Variants in TAOK2 observed in about 807,000 individuals in gnomAD.
TAOK2 encodes the protein TAO kinase 2.
In TAOK2, 42 loss-of-function variants were observed where a neutral mutation model predicts 122.5. The ratio of observed to expected loss-of-function variants is 0.34; its 90% CI spans 0.27 to 0.44. The LOEUF (loss-of-function observed/expected upper bound fraction) is 0.44. Among genes scored for constraint, TAOK2 ranks in the 20% least tolerant of loss-of-function variants. TAOK2 has a pLI of 1.00. For synonymous variants in TAOK2, 704 were observed against 677.6 expected (o/e 1.04, Z -0.61); for missense variants, 1,264 against 1,644.9 (o/e 0.77, Z 4.01).
In TAOK2 at chr16:29,983,209, A is replaced by AGAGGAGGAGGAGGAGGAGGAAGAG; in HGVS notation, c.1149_1172dup (p.Glu385_Glu392dup). ...TAGCAGATGCCTCAGACAACGAGGA[A>AGAGGAGGAGGAGGAGGAGGAAGAG]GAGGAGGAGGAGGAGGAGGAAGAGG... On this transcript the variant is annotated inframe_insertion, in exon 12 of 16. Transcript: ENST00000308893. 1 of 1,598,446 alleles carries AGAGGAGGAGGAGGAGGAGGAAGAG rather than the reference A, an allele frequency of 6.3e-7. No individual in the cohort carries two copies. The highest frequency in any genetic ancestry group is 2.3e-5 in the East Asian group (1 of 44,172).
chr16:29,978,092 C>T lies in TAOK2; in HGVS notation c.136C>T (p.Arg46Trp). The change falls in exon 3 of 16, where the codon CGG becomes TGG. Residue 46 changes from arginine (R) to tryptophan (W), a missense_variant. Physicochemically the swap from Arg to Trp is moderately radical, Grantham distance 101. Transcript: ENST00000308893. ...ACCTTCTGGTCTGGTCCTCTAGGCCCGGGATGTCCGGAATAGTGAGGTGGT... is the reference window on the plus strand; with the variant it reads ...ACCTTCTGGTCTGGTCCTCTAGGCCTGGGATGTCCGGAATAGTGAGGTGGT... Reference protein sequence around the residue: ...HGSFGAVYFARDVRNSEVVAI... With the variant: ...HGSFGAVYFAWDVRNSEVVAI... 3 of 1,614,036 alleles carry T rather than the reference C, an allele frequency of 1.9e-6. No homozygotes were observed. The highest frequency in any genetic ancestry group is 2.5e-6 in the Non-Finnish European group (3 of 1,179,978).
chr16:29,981,262 G>T, intron 8 of TAOK2: 3 of 474,626 alleles, frequency 6.3e-6, no homozygotes, highest in African/African-American at 1.9e-5. Flanking sequence ...TATTTTTTCA[G>T]TCCTATTTAA....
In TAOK2 at chr16:29,987,641, C is replaced by T. The variant is rs1224886298; in HGVS notation, c.3369C>T (p.Phe1123=). 1 of 1,613,390 alleles carries T rather than the reference C, an allele frequency of 6.2e-7. No homozygotes were observed. The highest frequency in any genetic ancestry group is 1.7e-5 in the Admixed American group (1 of 59,968). The part of the protein sequence containing the change: ...ALYPKTNKDG[F]RSRLPVPGPR... ...ACCCCAAAACCAACAAGGATGGCTTCCGCAGCCGCCTGCCCGTCCCTGGGC... is the reference window on the plus strand; with the variant it reads ...ACCCCAAAACCAACAAGGATGGCTTTCGCAGCCGCCTGCCCGTCCCTGGGC... The change falls in exon 16 of 16, where the codon TTC becomes TTT. Residue 1123 remains phenylalanine (F), a synonymous_variant. Coordinates refer to ENST00000308893, the MANE Select transcript of TAOK2 (RefSeq NM_016151.4).
rs764370184 is a variant in TAOK2, at chr16:29,985,727, C to T, written c.1858C>T (p.Leu620Phe). 5 of 1,609,200 alleles carry T rather than the reference C, an allele frequency of 3.1e-6. No homozygotes were observed. The East Asian group carries it at 8.9e-5, about 29-fold the overall frequency. Reference sequence around the variant, plus strand: ...GTGGCTGCTGCGGCAGAAGGAGCAGCTCCAGCAGTGCCAGGCGGAGGAGGA... The same window carrying T: ...GTGGCTGCTGCGGCAGAAGGAGCAGTTCCAGCAGTGCCAGGCGGAGGAGGA... ...AEWLLRQKEQ[L>F]QQCQAEEEAG... The change falls in exon 15 of 16, where the codon CTC becomes TTC. Residue 620 changes from leucine to phenylalanine, a missense_variant. Transcript: ENST00000308893. The surrounding 1 kb of genome is among the most constrained non-coding windows in gnomAD (Gnocchi z 6.9).
At chr16:29,991,345 C>T (rs764404536), downstream of TAOK2, 13 of 1,597,850 alleles carry the variant, frequency 8.1e-6, no homozygotes, top group African/African-American at 9.4e-5. The surrounding 1 kb of genome is among the most constrained non-coding windows in gnomAD (Gnocchi z 5.6). Flanking sequence ...CTGGCTCCCC[C>T]AGGCCCCCCA....
intron 4 of TAOK2, 117 bp downstream of exon 4, chr16:29,978,470 G>A: frequency 8.4e-7 from 1 of 1,191,126 alleles, no homozygotes; most frequent in Admixed American, 1.8e-5. Flanking sequence ...TTGGGAAGGA[G>A]GAAGTCTCTT....
Position 29,985,829 on chromosome 16 carries a change from C to T in TAOK2, c.1960C>T (p.Arg654Trp), listed in dbSNP as rs551868876. The change falls in exon 15 of 16, where the codon CGG becomes TGG. Residue 654 changes from arginine (R) to tryptophan (W), a missense_variant. Physicochemically the swap from Arg to Trp is moderately radical, Grantham distance 101. Around this residue, in one of 4 missense-constraint regions of TAOK2, gnomAD observed 824 missense variants for 908.7 expected, o/e 0.91. Coordinates refer to ENST00000308893, the MANE Select transcript of TAOK2 (RefSeq NM_016151.4). This position sits in a 1 kb window ranked among gnomAD's most constrained non-coding sequence, Gnocchi z 6.9. ...RQYKRKMLLA[R>W]HSLDQDLLRE... ...GTACAAGCGCAAGATGTTGCTGGCT[C>T]GGCACAGCCTGGACCAGGACCTGCT... 5.6e-6 allele frequency: 9 copies of T among 1,611,680 alleles called. No homozygotes were observed. The highest frequency in any genetic ancestry group is 3.3e-5 in the South Asian group (3 of 90,966).
chr16:29,983,318 A>T lies in TAOK2; in HGVS notation c.1246A>T (p.Ile416Phe). Residue 416 changes from isoleucine to phenylalanine, a missense_variant, in exon 12 of 16, where the codon ATC (isoleucine) becomes TTC (phenylalanine). By Grantham distance (21) the Ile-to-Phe change is conservative. This residue lies in a region of TAOK2 where 122 missense variants were observed against 116.7 expected (regional missense o/e 1.04). Coordinates refer to ENST00000308893, the MANE Select transcript of TAOK2 (RefSeq NM_016151.4). ...CACAGTCACCTCTCACAGCTCCATT[A>T]TCCACCGGCTGCCGGTACACAGCTC... The part of the protein sequence containing the change: ...EHTVTSHSSI[I>F]HRLPGSDNLY... 1 of 1,599,162 alleles carries T rather than the reference A, an allele frequency of 6.3e-7. No homozygotes were observed. The highest frequency in any genetic ancestry group is 8.5e-7 in the Non-Finnish European group (1 of 1,177,746).
At chr16:29,975,099 T>A (rs1331172117) in intron 1 of TAOK2, among the ~76,000 whole-genome samples, 1 of 152,136 alleles carries the variant, frequency 6.6e-6, no homozygotes, top group African/African-American at 2.4e-5. Flanking sequence ...TGCAAGGAAG[T>A]GTGTGTATAT....
At chr16:29,989,359 C>G (rs1289557159), downstream of TAOK2, 7 of 985,180 alleles carry the variant, frequency 7.1e-6, no homozygotes, top group Non-Finnish European at 8.4e-6. Flanking sequence ...CCTTCCTGAT[C>G]TCTCTCAACA....
rs1596616517 is a variant in TAOK2 at position 29,987,072 on chromosome 16, C to T, written c.2800C>T (p.His934Tyr). Residue 934 changes from histidine to tyrosine, a missense_variant, in exon 16 of 16, where the codon CAC becomes TAC. By Grantham distance (83) the His-to-Tyr change is moderately conservative. Around this residue, in one of 4 missense-constraint regions of TAOK2, gnomAD observed 824 missense variants for 908.7 expected, o/e 0.91. Transcript: ENST00000308893. The part of the protein sequence containing the change: ...PDIPPEPPPT[H>Y]LRPCPASQLP... ...CATCCCTCCTGAACCCCCTCCAACA[C>T]ACCTGAGGCCCTGCCCTGCCAGCCA... 2 of 1,613,552 alleles carry T rather than the reference C, an allele frequency of 1.2e-6. No homozygotes were observed. The highest frequency in any genetic ancestry group is 2.2e-5 in the South Asian group (2 of 91,046).
In TAOK2 at chr16:29,986,985, G is replaced by A. The variant is rs377728634; in HGVS notation, c.2713G>A (p.Glu905Lys). The part of the protein sequence containing the change: ...LTPVPEEEEE[E>K]EEGAPIGTPR... The stretch of plus-strand genomic sequence containing the variant: ...TCCCGTCCCTGAGGAGGAGGAAGAA[G>A]AGGAAGAGGGGGCTCCGATTGGGAC... The change falls in exon 16 of 16, where the codon GAG becomes AAG. Residue 905 changes from glutamate (E) to lysine (K), a missense_variant. Physicochemically the swap from Glu to Lys is moderately conservative, Grantham distance 56 (BLOSUM62 1). Around this residue, in one of 4 missense-constraint regions of TAOK2, gnomAD observed 824 missense variants for 908.7 expected, o/e 0.91. Coordinates refer to ENST00000308893, the MANE Select transcript of TAOK2 (RefSeq NM_016151.4). The surrounding 1 kb of genome is among the most constrained non-coding windows in gnomAD (Gnocchi z 4.2). 1 of 1,613,440 alleles carries A rather than the reference G, an allele frequency of 6.2e-7. No individual in the cohort carries two copies. The highest frequency in any genetic ancestry group is 8.5e-7 in the Non-Finnish European group (1 of 1,179,658).
Position 29,983,266 on chromosome 16 carries a change from G to A in TAOK2, c.1194G>A (p.Glu398=), listed in dbSNP as rs2069675753. 1.2e-6 allele frequency: 2 copies of A among 1,607,206 alleles called. No homozygotes were observed. The highest frequency in any genetic ancestry group is 2.2e-5 in the South Asian group (2 of 91,078). ...EEEEEGPEAR[E]MAMMQEGEHT... is the part of the protein sequence containing the mutation. Reference sequence around the variant, plus strand: ...AGGAAGAAGGCCCTGAAGCCCGGGAGATGGCCATGATGCAGGAGGGGGAGC... The same window carrying A: ...AGGAAGAAGGCCCTGAAGCCCGGGAAATGGCCATGATGCAGGAGGGGGAGC... The change falls in exon 12 of 16, where the codon GAG becomes GAA. Residue 398 remains glutamate (E), a synonymous_variant. Coordinates refer to ENST00000308893, the MANE Select transcript of TAOK2 (RefSeq NM_016151.4).
Position 29,982,831 on chromosome 16 carries a change from G to A in TAOK2, c.929G>A (p.Arg310His). 2 of 1,614,084 alleles carry A rather than the reference G, an allele frequency of 1.2e-6. No individual in the cohort carries two copies. Among genetic ancestry groups the A allele is most frequent in the Non-Finnish European group, 1.7e-6 (2 of 1,179,966 alleles). Reference protein sequence around the residue: ...AVRELDNLQYRKMKKILFQEA... With the variant: ...AVRELDNLQYHKMKKILFQEA... ...CGGGAGCTGGACAACCTGCAGTACC[G>A]CAAGATGAAGAAGATCCTGTTCCAA... The change falls in exon 11 of 16, where the codon CGC becomes CAC. Residue 310 changes from arginine to histidine, a missense_variant. By Grantham distance (29) the Arg-to-His change is conservative. Transcript: ENST00000308893.
chr16:29,991,701 CAT>C, downstream of TAOK2: 1 of 1,174,718 alleles, frequency 8.5e-7, no homozygotes, highest in African/African-American at 1.6e-5. The surrounding 1 kb of genome is among the most constrained non-coding windows in gnomAD (Gnocchi z 5.6). Flanking sequence ...CAGACCTCCT[CAT>C]CTCATGAGCT....
rs2069383570 is a variant in TAOK2, at chr16:29,974,230, G to C, written c.-454G>C. The C allele has an allele frequency of 6.6e-6, 1 of 152,536 alleles. No individual in the cohort carries two copies. The highest frequency in any genetic ancestry group is 6.5e-5 in the Admixed American group (1 of 15,286). 9.4% of individuals were successfully genotyped at this position (152,536 alleles called of 1,614,324 possible). On this transcript the variant is annotated 5_prime_UTR_variant, in exon 1 of 16. Coordinates refer to ENST00000308893, the MANE Select transcript of TAOK2 (RefSeq NM_016151.4). ...CCCGGGTAACAGTCCTCATAGTCCA[G>C]ATATCCGGGACTCGGGTCCCAACCT...
At chr16:29,984,975 T>C (rs879295823) in intron 13 of TAOK2, 2 of 387,520 alleles carry the variant, frequency 5.2e-6, no homozygotes, top group Non-Finnish European at 8.9e-6. Context: ...GTTCCTACTT[T>C]TGTGCCAGGC....
At chr16:29,989,298 G>A (rs2150909416), downstream of TAOK2, 1 of 985,046 alleles carries the variant, frequency 1.0e-6, no homozygotes, top group South Asian at 4.7e-5. Flanking sequence ...CCAACTCCGT[G>A]CACGTGCTCT....
chr16:29,984,972 C>T, intron 13 of TAOK2: 1 of 380,914 alleles, frequency 2.6e-6, no homozygotes, highest in Non-Finnish European at 4.5e-6. Context: ...ATTGTTCCTA[C>T]TTTTGTGCCA....
Sources: allele counts gnomAD v4.1 joint callset (sites outside exome capture counted in the v4.1 genomes callset), GRCh38; gene constraint gnomAD v4.1.1; regional missense constraint gnomAD v4.1.1; non-coding constraint Gnocchi (gnomAD v3.1); transcripts MANE v1.5; gene names NCBI Gene and HGNC (gene_info 2026-07-23, HGNC 2026-07-21).